PTPRN2: variants seen among roughly 807,000 people sequenced by gnomAD.
The protein encoded by PTPRN2 is receptor-type tyrosine-protein phosphatase N2.
PTPRN2 carries 74 observed loss-of-function variants against 118.8 expected under a neutral mutation model. That is an observed-to-expected ratio of 0.62 (90% CI 0.52 to 0.76). The LOEUF is 0.76. PTPRN2 is among the 30% of genes least tolerant of loss of function. The pLI is 0.00. For missense variants in PTPRN2, 1,481 were observed against 1,394.4 expected, an observed-to-expected ratio of 1.06 and a Z score of -0.99; for synonymous variants, 641 against 608.0, an observed-to-expected ratio of 1.05 and a Z score of -0.80.
chr7:157,745,450 T>TGCGGGAGGCAG (rs767927120), intron 12 of PTPRN2, among the ~76,000 whole-genome samples: 5,646 of 151,450 alleles, frequency 0.037, 169 homozygotes, highest in South Asian at 0.076. Context: ...GAGGACAGGC[T>TGCGGGAGGCAG]GTGGGAGGCA....
intron 5 of PTPRN2, among the ~76,000 whole-genome samples, chr7:158,191,813 C>T (rs1188752101): frequency 6.6e-6 from 1 of 152,098 alleles, no homozygotes; most frequent in Non-Finnish European, 1.5e-5. Context: ...GACCCTCATG[C>T]CCACAGGCAG....
chr7:157,576,294 G>C (rs901904921), intron 19 of PTPRN2, among the ~76,000 whole-genome samples: 1 of 152,304 alleles, frequency 6.6e-6, no homozygotes, highest in African/African-American at 2.4e-5. Context: ...CGAGCTTTAT[G>C]CATCAATATC....
chr7:158,295,181 G>A (rs2151030754), intron 3 of PTPRN2, among the ~76,000 whole-genome samples: 1 of 110,778 alleles, frequency 9.0e-6, no homozygotes, highest in African/African-American at 3.6e-5. Context: ...ACCACATCGT[G>A]GTTCACCTGC....
At chr7:158,468,737 G>A (rs181081959) in intron 2 of PTPRN2, among the ~76,000 whole-genome samples, 10 of 151,922 alleles carry the variant, frequency 6.6e-5, no homozygotes, top group East Asian at 3.9e-4. Flanking sequence ...CACAAAGATC[G>A]AGACTCTATT....
At chr7:158,190,915 G>C (rs1165170490) in intron 5 of PTPRN2, among the ~76,000 whole-genome samples, 1 of 152,260 alleles carries the variant, frequency 6.6e-6, no homozygotes, top group African/African-American at 2.4e-5. Context: ...CCTCGGAAAG[G>C]CTCCAGAGAA....
intron 1 of PTPRN2, among the ~76,000 whole-genome samples, chr7:158,572,393 C>T (rs1828089131): frequency 6.6e-6 from 1 of 152,168 alleles, no homozygotes; most frequent in Non-Finnish European, 1.5e-5. Flanking sequence ...TCCACTTTGC[C>T]CCATCTAGCG....
At chr7:158,034,454 A>G (rs1168293214) in intron 11 of PTPRN2, among the ~76,000 whole-genome samples, 1 of 152,202 alleles carries the variant, frequency 6.6e-6, no homozygotes, top group African/African-American at 2.4e-5. Flanking sequence ...AGGTCTCACA[A>G]GATCTGGTGG....
chr7:158,208,238 G>A (rs1257162564), intron 3 of PTPRN2, among the ~76,000 whole-genome samples: 5 of 152,260 alleles, frequency 3.3e-5, no homozygotes, highest in African/African-American at 7.2e-5. Flanking sequence ...TTAGTTGAAA[G>A]GATAATAATG....
chr7:157,656,551 C>T lies in PTPRN2; in HGVS notation c.2002G>A (p.Glu668Lys). ...GTGGCCATACGCTGGCGGCACAGCT[C>T]CTGCAGGACAGGGGGAGGAAGAGCA... ...PGADATAAYQ[E>K]LCRQRMATRP... The change falls in exon 14 of 23, where the codon GAG becomes AAG. Residue 668 changes from glutamate to lysine, a missense_variant and splice_region_variant. Around this residue, in one of 3 missense-constraint regions of PTPRN2, gnomAD observed 1,115 missense variants for 994.2 expected, o/e 1.12. Coordinates refer to ENST00000389418, the MANE Select transcript of PTPRN2 (RefSeq NM_002847.5). 2 of 1,536,690 alleles carry T rather than the reference C, an allele frequency of 1.3e-6. No individual in the cohort carries two copies. The highest frequency in any genetic ancestry group is 1.7e-6 in the Non-Finnish European group (2 of 1,146,304).
chr7:157,747,986 C>T (rs1454737402), intron 12 of PTPRN2, among the ~76,000 whole-genome samples: 7 of 131,108 alleles, frequency 5.3e-5, no homozygotes, highest in South Asian at 2.5e-4. Flanking sequence ...CTGAGGCCTG[C>T]GTCTCTGAGC....
chr7:157,709,524 C>A (rs981143783), intron 12 of PTPRN2, among the ~76,000 whole-genome samples: 1 of 152,162 alleles, frequency 6.6e-6, no homozygotes, highest in Non-Finnish European at 1.5e-5. Flanking sequence ...GGGGACCCTC[C>A]TTCCCTCCCA....
chr7:157,715,409 T>G (rs1048606850), intron 12 of PTPRN2, among the ~76,000 whole-genome samples: 1 of 152,220 alleles, frequency 6.6e-6, no homozygotes, highest in East Asian at 1.9e-4. Context: ...GGCAAAGTGA[T>G]AGGGGATGAA....
intron 11 of PTPRN2, among the ~76,000 whole-genome samples, chr7:157,978,879 T>G (rs775997201): frequency 6.6e-6 from 1 of 151,994 alleles, no homozygotes; most frequent in Non-Finnish European, 1.5e-5. Context: ...CATAGCGCCA[T>G]GATGGGAGAA....
chr7:158,416,472 C>T (rs1289215854), intron 2 of PTPRN2, among the ~76,000 whole-genome samples: 1 of 152,246 alleles, frequency 6.6e-6, no homozygotes, highest in Non-Finnish European at 1.5e-5. Context: ...GGATTGGTGG[C>T]TGCATGGGGA....
intron 2 of PTPRN2, among the ~76,000 whole-genome samples, chr7:158,318,250 G>A (rs1337905039): frequency 6.6e-6 from 1 of 152,230 alleles, no homozygotes; most frequent in Non-Finnish European, 1.5e-5. Context: ...TTCAGTGCAA[G>A]CAGGAGTGGG....
chr7:157,969,519 GT>G (rs1356317963), intron 11 of PTPRN2, among the ~76,000 whole-genome samples: 1 of 152,178 alleles, frequency 6.6e-6, no homozygotes, highest in Non-Finnish European at 1.5e-5. Flanking sequence ...GAGCTGGGAG[GT>G]GGTGGCAGGC....
chr7:158,194,210 G>A (rs1442737205), intron 4 of PTPRN2, among the ~76,000 whole-genome samples: 8 of 152,210 alleles, frequency 5.3e-5, no homozygotes, highest in Non-Finnish European at 8.8e-5. Context: ...GTGTGCGCCT[G>A]CACGCACACA....
chr7:158,532,953 C>G (rs1432465140), intron 1 of PTPRN2: 1 of 363,810 alleles, frequency 2.7e-6, no homozygotes, highest in Non-Finnish European at 5.7e-6. Context: ...AAGCCAGGGA[C>G]AAGGCCTCAT....
chr7:157,939,229 A>G (rs1585050732), intron 11 of PTPRN2, among the ~76,000 whole-genome samples: 1 of 152,322 alleles, frequency 6.6e-6, no homozygotes, highest in Middle Eastern at 3.4e-3. Context: ...TCCCCACCTC[A>G]ATAGCGAGGT....
Sources: allele counts gnomAD v4.1 joint callset (sites outside exome capture counted in the v4.1 genomes callset), GRCh38; gene constraint gnomAD v4.1.1; regional missense constraint gnomAD v4.1.1; transcripts MANE v1.5; gene names NCBI Gene and HGNC (gene_info 2026-07-23, HGNC 2026-07-21).